Variants in CNBD1 observed in about 807,000 individuals in gnomAD.
CNBD1 encodes cyclic nucleotide-binding domain-containing protein 1.
A neutral mutation model predicts 54.4 loss-of-function variants in CNBD1; 71 were observed. That is an observed-to-expected ratio of 1.30 (90% CI 1.08 to 1.59). The LOEUF is 1.59. Among genes scored for constraint, CNBD1 ranks in the 40% most tolerant of loss-of-function variants. The pLI, the probability that CNBD1 is intolerant of heterozygous loss-of-function variation, is 0.00. For missense variants in CNBD1, 659 were observed against 518.0 expected (o/e 1.27, Z -2.64); for synonymous variants, 182 against 170.7 (o/e 1.07, Z -0.51).
chr8:86,978,322 ATAT>A (rs994218187), intron 4 of CNBD1, among the ~76,000 whole-genome samples: 1 of 152,120 alleles, frequency 6.6e-6, no homozygotes, highest in Admixed American at 6.6e-5. Flanking sequence ...AACAACAACA[ATAT>A]TATTCAGAAT....
At chr8:87,387,125 C>A (rs1037512387), downstream of CNBD1, among the ~76,000 whole-genome samples, 3 of 152,178 alleles carry the variant, frequency 2.0e-5, no homozygotes, top group Admixed American at 2.0e-4. Context: ...TGGAAAGGAA[C>A]AACCGGTACC....
At chr8:86,930,659 G>T (rs1055661758) in intron 3 of CNBD1, among the ~76,000 whole-genome samples, 3 of 152,108 alleles carry the variant, frequency 2.0e-5, no homozygotes, top group Non-Finnish European at 4.4e-5. Context: ...GAGAGAGCGG[G>T]GTATAGAGGT....
At chr8:87,255,367 T>G (rs1163158700) in intron 6 of CNBD1, among the ~76,000 whole-genome samples, 1 of 152,160 alleles carries the variant, frequency 6.6e-6, no homozygotes, top group African/African-American at 2.4e-5. Flanking sequence ...TTATACTTAC[T>G]GTTAATAGCC....
intron 6 of CNBD1, among the ~76,000 whole-genome samples, chr8:87,249,692 C>T (rs1807875259): frequency 6.6e-6 from 1 of 152,154 alleles, no homozygotes; most frequent in South Asian, 2.1e-4. Context: ...CTAACCAAAT[C>T]AGGCTTCTGT....
chr8:87,256,243 G>C (rs1481197205), intron 6 of CNBD1, among the ~76,000 whole-genome samples: 1 of 150,750 alleles, frequency 6.6e-6, no homozygotes, highest in Non-Finnish European at 1.5e-5. Context: ...GGGTGGTCTT[G>C]AGCTCCTGGC....
At chr8:87,424,451 G>A (rs941461965) in intron 2 of CNBD1, among the ~76,000 whole-genome samples, 11 of 152,208 alleles carry the variant, frequency 7.2e-5, no homozygotes, top group South Asian at 2.1e-4. Flanking sequence ...CTTTGAATGC[G>A]TCCCAGAGAT....
At chr8:87,088,468 A>G (rs17701856) in intron 4 of CNBD1, among the ~76,000 whole-genome samples, 32,420 of 152,172 alleles carry the variant, frequency 0.21, 4,041 homozygotes, top group Admixed American at 0.29. Context: ...TTATGAGTTT[A>G]CCACTTTTCA....
At position 87,311,628 on chromosome 8, in the gene CNBD1, A is replaced by C. The variant is rs79767803; in HGVS notation, c.1042+24957A>C. Among the ~76,000 whole-genome samples, 1,178 of 152,246 alleles carry C rather than the reference A, an allele frequency of 7.7e-3. 8 individuals are homozygous for C. Among genetic ancestry groups the C allele is most frequent in the South Asian group, 0.014 (69 of 4,824 alleles). On this transcript the variant is annotated intron_variant, in intron 8 of 10. Coordinates refer to ENST00000518476, the MANE Select transcript of CNBD1 (RefSeq NM_173538.3). ...CTAAAATAAAATAAATCCTTTTAGC[A>C]AAAGGACACATGCACTTGTATGTTC...
chr8:87,004,335 A>G (rs1191940028), intron 4 of CNBD1, among the ~76,000 whole-genome samples: 2 of 152,162 alleles, frequency 1.3e-5, no homozygotes, highest in African/African-American at 4.8e-5. Context: ...TTGATCCCCT[A>G]CTATATGAAA....
intron 8 of CNBD1, among the ~76,000 whole-genome samples, chr8:87,345,985 G>C (rs1420982160): frequency 1.3e-5 from 2 of 152,032 alleles, no homozygotes; most frequent in African/African-American, 4.8e-5. Context: ...TTGTGTTACA[G>C]TTTCATGGCC....
At chr8:87,354,089 C>T (rs1294296347) in intron 10 of CNBD1, among the ~76,000 whole-genome samples, 3 of 152,042 alleles carry the variant, frequency 2.0e-5, no homozygotes, top group Non-Finnish European at 2.9e-5. Context: ...CCTCCAGGAC[C>T]ACCCTGAACT....
At chr8:87,421,939 G>A (rs1807947047) in intron 2 of CNBD1, among the ~76,000 whole-genome samples, 1 of 149,062 alleles carries the variant, frequency 6.7e-6, no homozygotes, top group Non-Finnish European at 1.5e-5. Flanking sequence ...AGCACCTGTT[G>A]TTTCCTGACT....
rs143638382 is a variant in CNBD1, at chr8:87,202,377, A to G, written c.432-3616A>G. On this transcript the variant is annotated intron_variant, in intron 4 of 10. Transcript: ENST00000518476. ...CCAGTAATAAATTATAATATGGATCATGGTTAAAAACATTGTCAGGAACTT... is the reference window on the plus strand; with the variant it reads ...CCAGTAATAAATTATAATATGGATCGTGGTTAAAAACATTGTCAGGAACTT... Among the ~76,000 whole-genome samples, 776 of 152,362 alleles carry G rather than the reference A, an allele frequency of 5.1e-3. 8 individuals are homozygous for G. Among genetic ancestry groups the G allele is most frequent in the African/African-American group, 0.018 (739 of 41,592 alleles).
intron 2 of CNBD1, among the ~76,000 whole-genome samples, chr8:87,424,957 C>G (rs562733454): frequency 6.6e-6 from 1 of 152,122 alleles, no homozygotes; most frequent in African/African-American, 2.4e-5. Flanking sequence ...TTCAGGTACA[C>G]CAATCAGACG....
chr8:87,224,843 A>T (rs1265664537), intron 5 of CNBD1, among the ~76,000 whole-genome samples: 1 of 150,804 alleles, frequency 6.6e-6, no homozygotes, highest in Non-Finnish European at 1.5e-5. Flanking sequence ...CAGTATGGCC[A>T]TTTTCATGAT....
rs1586128875 is a variant in CNBD1 at position 86,911,081 on chromosome 8, C to T, written c.272+5887C>T. Among the ~76,000 whole-genome samples, 4 of 152,302 alleles carry T rather than the reference C, an allele frequency of 2.6e-5. 1 individual carries two copies. The South Asian group carries it at 8.3e-4, about 32-fold the overall frequency. On this transcript the variant is annotated intron_variant, in intron 3 of 10. Transcript: ENST00000518476. Reference sequence around the variant, plus strand: ...AGGATTCTCTACCTCACCATGTTGCCTGCTTTTCTACTGTACATGTGGTGA... The same window carrying T: ...AGGATTCTCTACCTCACCATGTTGCTTGCTTTTCTACTGTACATGTGGTGA...
chr8:86,889,759 TTTTA>T (rs1808737553), intron 2 of CNBD1, among the ~76,000 whole-genome samples: 1 of 152,154 alleles, frequency 6.6e-6, no homozygotes, highest in Non-Finnish European at 1.5e-5. Flanking sequence ...GGCAGATTTA[TTTTA>T]TTTATTTTAG....
At chr8:87,172,885 A>G (rs181082096) in intron 4 of CNBD1, among the ~76,000 whole-genome samples, 12 of 152,212 alleles carry the variant, frequency 7.9e-5, no homozygotes, top group Admixed American at 7.2e-4. Flanking sequence ...GTTATTATTG[A>G]TAACTAAGGA....
intron 4 of CNBD1, among the ~76,000 whole-genome samples, chr8:87,108,143 T>C (rs1178066580): frequency 6.6e-6 from 1 of 152,152 alleles, no homozygotes; most frequent in Non-Finnish European, 1.5e-5. Context: ...AAGAGTTTAT[T>C]TGTGGGTAGA....
Sources: allele counts gnomAD v4.1 joint callset (sites outside exome capture counted in the v4.1 genomes callset), GRCh38; gene constraint gnomAD v4.1.1; transcripts MANE v1.5; gene names NCBI Gene and HGNC (gene_info 2026-07-23, HGNC 2026-07-21).